CAMKMT: variants seen among roughly 807,000 people sequenced by gnomAD.
CAMKMT encodes calmodulin-lysine N-methyltransferase, also known as CaM KMT.
A neutral mutation model predicts 48.0 loss-of-function variants in CAMKMT; 53 were observed. That is an observed-to-expected ratio of 1.10 (90% CI 0.89 to 1.39). The LOEUF (loss-of-function observed/expected upper bound fraction) is 1.39, where lower values mean the gene tolerates loss of function less well. CAMKMT is among the 40% of genes most tolerant of loss of function. The pLI is 0.00. For missense variants in CAMKMT, 428 were observed against 402.7 expected (o/e 1.06, Z -0.54); for synonymous variants, 165 against 152.3 (o/e 1.08, Z -0.61).
intron 3 of CAMKMT, among the ~76,000 whole-genome samples, chr2:44,411,540 A>G (rs1403776312): frequency 6.6e-6 from 1 of 152,214 alleles, no homozygotes; most frequent in African/African-American, 2.4e-5. Flanking sequence ...AGAGATTTTA[A>G]TAGTCTGTCG....
chr2:44,668,606 C>G (rs770140715), intron 3 of CAMKMT, among the ~76,000 whole-genome samples: 4 of 152,088 alleles, frequency 2.6e-5, no homozygotes, highest in Non-Finnish European at 4.4e-5. Context: ...CCAGTTCACC[C>G]TTATTTTTCT....
At position 44,772,244 on chromosome 2, in the gene CAMKMT, T is replaced by G. The variant is rs1681147250; in HGVS notation, c.*131T>G. On this transcript the variant is annotated 3_prime_UTR_variant, in exon 11 of 11. Coordinates refer to ENST00000378494, the MANE Select transcript of CAMKMT (RefSeq NM_024766.5). ...AGCATTTCACGTGTGGGCTATGGAC[T>G]CCACCTGTCCTCACCCACGTTATTC... 1 of 669,896 alleles carries G rather than the reference T, an allele frequency of 1.5e-6. No homozygotes were observed. The highest frequency in any genetic ancestry group is 2.6e-6 in the Non-Finnish European group (1 of 391,522). The allele number at this position is 669,896 out of a possible 1,614,324, so 41.5% of individuals were successfully genotyped here. A position where few individuals can be genotyped will look rare whatever the true frequency, so the allele number is the denominator to read the frequency against.
rs890706502 is a variant in CAMKMT, at chr2:44,518,160, C to CT, written c.376+127865dup. Among the ~76,000 whole-genome samples the CT allele has an allele frequency of 3.7e-4, 55 of 148,530 alleles. No individual in the cohort carries two copies. The South Asian group carries it at 6.0e-3, about 16-fold the overall frequency. On this transcript the variant is annotated intron_variant, in intron 3 of 10. Coordinates refer to ENST00000378494, the MANE Select transcript of CAMKMT (RefSeq NM_024766.5). Reference sequence around the variant, plus strand: ...AGTATGGAAAAGGAAAACAAAAACACTTTTTTTTTTCAAGAAAATTTAGTA... The same window carrying CT: ...AGTATGGAAAAGGAAAACAAAAACACTTTTTTTTTTTCAAGAAAATTTAGTA...
At chr2:44,523,570 C>G (rs1671237949) in intron 3 of CAMKMT, among the ~76,000 whole-genome samples, 1 of 151,156 alleles carries the variant, frequency 6.6e-6, no homozygotes, top group Non-Finnish European at 1.5e-5. Context: ...GTTGGCATTA[C>G]AGGCATGAGT....
At chr2:44,368,170 A>T (rs1403310387) in intron 1 of CAMKMT, among the ~76,000 whole-genome samples, 3 of 152,188 alleles carry the variant, frequency 2.0e-5, no homozygotes, top group Non-Finnish European at 4.4e-5. Flanking sequence ...TGACTTACTT[A>T]GGAGAATGAG....
intron 3 of CAMKMT, among the ~76,000 whole-genome samples, chr2:44,477,829 A>G (rs921575047): frequency 6.6e-6 from 1 of 152,224 alleles, no homozygotes; most frequent in Non-Finnish European, 1.5e-5. Context: ...CATATTCACA[A>G]TGGTACAGGT....
chr2:44,496,466 T>C (rs1669757246), intron 3 of CAMKMT, among the ~76,000 whole-genome samples: 1 of 152,204 alleles, frequency 6.6e-6, no homozygotes, highest in Admixed American at 6.5e-5. Context: ...GTATATTTCA[T>C]AGAGTAACAA....
chr2:44,571,634 C>G (rs1668907931), intron 3 of CAMKMT, among the ~76,000 whole-genome samples: 1 of 152,032 alleles, frequency 6.6e-6, no homozygotes, highest in South Asian at 2.1e-4. Flanking sequence ...ATATTATGTA[C>G]ATAGCATTGT....
chr2:44,631,445 G>C, intron 3 of CAMKMT: 1 of 574,080 alleles, frequency 1.7e-6, no homozygotes, highest in Non-Finnish European at 3.0e-6. Context: ...ACAAATCAAA[G>C]AGTTTAAATA....
At chr2:44,463,937 C>T (rs1393017325) in intron 3 of CAMKMT, among the ~76,000 whole-genome samples, 1 of 152,020 alleles carries the variant, frequency 6.6e-6, no homozygotes, top group Non-Finnish European at 1.5e-5. Context: ...ACAAGGCACA[C>T]AAAGAAACAG....
intron 3 of CAMKMT, among the ~76,000 whole-genome samples, chr2:44,560,984 A>G (rs1668294032): frequency 2.0e-5 from 3 of 152,230 alleles, no homozygotes; most frequent in Admixed American, 6.5e-5. Context: ...AGAGAAAATT[A>G]AATCTAAGCA....
At chr2:44,396,685 G>A (rs948959342) in intron 3 of CAMKMT, among the ~76,000 whole-genome samples, 3 of 150,708 alleles carry the variant, frequency 2.0e-5, no homozygotes, top group African/African-American at 7.3e-5. Flanking sequence ...GAGGCAGTCT[G>A]ATTATATCTT....
intron 3 of CAMKMT, among the ~76,000 whole-genome samples, chr2:44,538,960 G>C (rs113302126): frequency 0.15 from 160 of 1,046 alleles, no homozygotes; most frequent in African/African-American, 0.39. Flanking sequence ...GTGTGTGTCT[G>C]TGTGTGTGTG....
At chr2:44,732,416 G>C (rs1484404527) in intron 7 of CAMKMT, among the ~76,000 whole-genome samples, 4 of 152,236 alleles carry the variant, frequency 2.6e-5, no homozygotes, top group Admixed American at 6.5e-5. Context: ...TTTGGTGTCA[G>C]TGTAATTACA....
intron 3 of CAMKMT, among the ~76,000 whole-genome samples, chr2:44,589,262 G>T (rs1283416830): frequency 1.7e-4 from 7 of 41,862 alleles, no homozygotes; most frequent in Admixed American, 2.8e-4. Context: ...GAGGGTGGTG[G>T]GGGGGTCAGC....
chr2:44,553,364 C>CTTT (rs11355850), intron 3 of CAMKMT, among the ~76,000 whole-genome samples: 1 of 141,202 alleles, frequency 7.1e-6, no homozygotes, highest in Non-Finnish European at 1.6e-5. Flanking sequence ...GAGTGAGACA[C>CTTT]TTTTTTTTTT....
chr2:44,538,830 A>T (rs1666925040), intron 3 of CAMKMT, among the ~76,000 whole-genome samples: 1 of 152,102 alleles, frequency 6.6e-6, no homozygotes, highest in South Asian at 2.1e-4. Flanking sequence ...CATACCATTT[A>T]CTTACACTTG....
At chr2:44,559,026 GTCTA>G (rs1043347181) in intron 3 of CAMKMT, among the ~76,000 whole-genome samples, 4 of 151,220 alleles carry the variant, frequency 2.6e-5, no homozygotes, top group African/African-American at 7.4e-5. Context: ...GACATTATCT[GTCTA>G]TCTAACTATC....
At chr2:44,476,600 T>G (rs1668701628) in intron 3 of CAMKMT, among the ~76,000 whole-genome samples, 1 of 151,946 alleles carries the variant, frequency 6.6e-6, no homozygotes, top group Non-Finnish European at 1.5e-5. Flanking sequence ...AAAAAAAAAC[T>G]TTATATGTTT....
Sources: allele counts gnomAD v4.1 joint callset (sites outside exome capture counted in the v4.1 genomes callset), GRCh38; gene constraint gnomAD v4.1.1; transcripts MANE v1.5; gene names NCBI Gene and HGNC (gene_info 2026-07-23, HGNC 2026-07-21).